The following RAB38 variants were observed in gnomAD, a reference collection of about 807,000 sequenced individuals.
RAB38 encodes ras-related protein Rab-38.
RAB38 carries 15 observed loss-of-function variants against 18.4 expected under a neutral mutation model. The observed-to-expected ratio is 0.82, with a 90% CI of 0.55 to 1.26. RAB38 has a LOEUF of 1.26. Ranked by LOEUF, RAB38 falls within the 50% of genes most tolerant of loss-of-function variation. The probability of loss-of-function intolerance (pLI) is 0.00; values close to 1 mark genes in which losing one functional copy is unlikely to be tolerated. For missense variants in RAB38, 294 were observed against 267.4 expected (o/e 1.10, Z -0.69); for synonymous variants, 101 against 104.4 (o/e 0.97, Z 0.20).
At chr11:87,941,975 T>C in the RAB38 span, among the ~76,000 whole-genome samples, 1 of 152,180 alleles carries the variant, frequency 6.6e-6, no homozygotes, top group Admixed American at 6.5e-5. Flanking sequence ...GCTCCTTGTC[T>C]GGGTATTTGG....
the RAB38 span, among the ~76,000 whole-genome samples, chr11:87,958,596 G>C: frequency 6.6e-6 from 1 of 152,162 alleles, no homozygotes; most frequent in Non-Finnish European, 1.5e-5. Context: ...GTGAGGGAAG[G>C]AAGTAGACAG....
chr11:88,091,097 C>T, the RAB38 span, among the ~76,000 whole-genome samples: 1 of 152,008 alleles, frequency 6.6e-6, no homozygotes, highest in Non-Finnish European at 1.5e-5. Context: ...GTGACAAGGA[C>T]AGGCTTCAGG....
the RAB38 span, among the ~76,000 whole-genome samples, chr11:87,919,698 G>C: frequency 6.6e-6 from 1 of 151,784 alleles, no homozygotes; most frequent in African/African-American, 2.4e-5. Context: ...TTAAATATTT[G>C]GTAGAATTCA....
At chr11:88,027,009 A>G in the RAB38 span, among the ~76,000 whole-genome samples, 1 of 152,166 alleles carries the variant, frequency 6.6e-6, no homozygotes, top group Non-Finnish European at 1.5e-5. Flanking sequence ...ATGACCTCAC[A>G]TTTTTTAAAT....
At chr11:88,157,204 G>A (rs1159274498) in intron 1 of RAB38, among the ~76,000 whole-genome samples, 1 of 152,026 alleles carries the variant, frequency 6.6e-6, no homozygotes, top group Admixed American at 6.6e-5. Context: ...TCCTACGTCA[G>A]ATAAATCACA....
the RAB38 span, among the ~76,000 whole-genome samples, chr11:87,827,158 T>G: frequency 1.9e-3 from 296 of 152,322 alleles, 2 homozygotes; most frequent in African/African-American, 6.8e-3. Context: ...TCATCAGTCT[T>G]AACTGGTTAG....
At chr11:87,973,992 TTACCTG>T in the RAB38 span, among the ~76,000 whole-genome samples, 4,892 of 152,058 alleles carry the variant, frequency 0.032, 94 homozygotes, top group South Asian at 0.09. Context: ...CCATCATTCT[TTACCTG>T]TATTCTGAAA....
chr11:88,159,138 T>C (rs755362401), intron 1 of RAB38, among the ~76,000 whole-genome samples: 1 of 151,126 alleles, frequency 6.6e-6, no homozygotes, highest in Non-Finnish European at 1.5e-5. Context: ...AGCATTTCTA[T>C]CCACCAATAA....
chr11:88,045,228 G>A, the RAB38 span, among the ~76,000 whole-genome samples: 1 of 152,016 alleles, frequency 6.6e-6, no homozygotes, highest in African/African-American at 2.4e-5. Context: ...ATTAAATAAA[G>A]CTCCAAAAAT....
chr11:88,038,490 T>C, the RAB38 span, among the ~76,000 whole-genome samples: 2 of 152,220 alleles, frequency 1.3e-5, no homozygotes, highest in African/African-American at 2.4e-5. Context: ...TTTAGATGCA[T>C]GTCTTCACTT....
At chr11:88,047,565 T>C in the RAB38 span, among the ~76,000 whole-genome samples, 2 of 152,192 alleles carry the variant, frequency 1.3e-5, no homozygotes, top group African/African-American at 4.8e-5. Context: ...TGACTCTAAA[T>C]ATGCTTTCCA....
At chr11:88,153,939 C>T (rs535328586) in intron 1 of RAB38, among the ~76,000 whole-genome samples, 8 of 152,250 alleles carry the variant, frequency 5.3e-5, no homozygotes, top group Non-Finnish European at 1.2e-4. Flanking sequence ...TGGGAATCCA[C>T]CAGGACAACT....
At chr11:87,974,791 T>A in the RAB38 span, among the ~76,000 whole-genome samples, 2 of 147,000 alleles carry the variant, frequency 1.4e-5, no homozygotes, top group Non-Finnish European at 3.0e-5. Flanking sequence ...TCAGAAAAAA[T>A]GATGATCAGA....
At chr11:88,170,303 G>A (rs1453010525) in intron 1 of RAB38, among the ~76,000 whole-genome samples, 3 of 152,216 alleles carry the variant, frequency 2.0e-5, no homozygotes, top group African/African-American at 7.2e-5. Context: ...GCATGGCTCA[G>A]ACTCGATATG....
At chr11:88,119,259 G>A (rs927184688) in intron 2 of RAB38, among the ~76,000 whole-genome samples, 1 of 151,936 alleles carries the variant, frequency 6.6e-6, no homozygotes, top group South Asian at 2.1e-4. Flanking sequence ...GCATGGTGAT[G>A]GGATTCATAC....
the RAB38 span, among the ~76,000 whole-genome samples, chr11:88,085,311 T>A: frequency 9.9e-5 from 15 of 151,910 alleles, no homozygotes; most frequent in East Asian, 2.9e-3. Flanking sequence ...AAGAAGTTCA[T>A]AGAAGTAGGT....
the RAB38 span, among the ~76,000 whole-genome samples, chr11:88,018,346 C>T: frequency 2.0e-5 from 3 of 152,108 alleles, no homozygotes; most frequent in Non-Finnish European, 4.4e-5. Flanking sequence ...ACCCTTTTCC[C>T]ACATCATCTT....
At chr11:88,057,367 A>G in the RAB38 span, among the ~76,000 whole-genome samples, 1 of 152,130 alleles carries the variant, frequency 6.6e-6, no homozygotes, top group African/African-American at 2.4e-5. Context: ...GTTGAAGACA[A>G]GCAGATCTAG....
At chr11:87,970,524 C>T in the RAB38 span, among the ~76,000 whole-genome samples, 8 of 152,146 alleles carry the variant, frequency 5.3e-5, no homozygotes, top group African/African-American at 1.9e-4. Flanking sequence ...CCCAAGTTCC[C>T]GCCCTAGGCA....
Sources: gnomAD v4.1 joint callset for allele counts (sites outside exome capture counted in the v4.1 genomes callset) on GRCh38, gnomAD v4.1.1 for gene constraint, MANE v1.5 for transcripts, NCBI Gene and HGNC (gene_info 2026-07-23, HGNC 2026-07-21) for gene names.